Variants in PTPRN2 observed in about 807,000 individuals in gnomAD.
PTPRN2 encodes receptor-type tyrosine-protein phosphatase N2.
Under a neutral mutation model 118.8 loss-of-function variants are expected in PTPRN2, and 74 were observed. That is an observed-to-expected ratio of 0.62 (90% CI 0.52 to 0.76). The LOEUF (loss-of-function observed/expected upper bound fraction) is 0.76. Ranked by LOEUF, PTPRN2 falls within the 30% of genes least tolerant of loss-of-function variation. The probability of loss-of-function intolerance (pLI) is 0.00; values close to 1 mark genes in which losing one functional copy is unlikely to be tolerated. For synonymous variants in PTPRN2, 641 were observed against 608.0 expected, an observed-to-expected ratio of 1.05 and a Z score of -0.80; for missense variants, 1,481 against 1,394.4, an observed-to-expected ratio of 1.06 and a Z score of -0.99.
chr7:157,540,789 C>A lies in PTPRN2; in HGVS notation c.2977-4G>T, dbSNP rs751160312. On this transcript the variant is annotated splice_polypyrimidine_tract_variant and splice_region_variant and intron_variant, in intron 22 of 22. Transcript: ENST00000389418. Reference sequence around the variant, plus strand: ...TCAGCGCGAACTCAAACTGCTCCTGCAGGGCGAGAAACGAGAGAAGTGCCA... The same window carrying A: ...TCAGCGCGAACTCAAACTGCTCCTGAAGGGCGAGAAACGAGAGAAGTGCCA... The A allele has an allele frequency of 6.4e-7, 1 of 1,559,152 alleles. No homozygotes were observed. The highest frequency in any genetic ancestry group is 8.7e-7 in the Non-Finnish European group (1 of 1,150,842).
chr7:157,909,388 G>T (rs116118873), intron 11 of PTPRN2, among the ~76,000 whole-genome samples: 15 of 151,752 alleles, frequency 9.9e-5, no homozygotes, highest in South Asian at 2.1e-4. Context: ...CTATACACTG[G>T]GGGGGGGAGG....
At chr7:158,531,148 C>T (rs1035465901) in intron 1 of PTPRN2, among the ~76,000 whole-genome samples, 2 of 152,152 alleles carry the variant, frequency 1.3e-5, no homozygotes, top group Admixed American at 6.5e-5. Context: ...AATTTAATGT[C>T]CTAGGTTACA....
At chr7:158,321,905 A>G (rs1248421408) in intron 2 of PTPRN2, among the ~76,000 whole-genome samples, 1 of 152,178 alleles carries the variant, frequency 6.6e-6, no homozygotes, top group African/African-American at 2.4e-5. Context: ...GTGCGTGCCC[A>G]AGGATGCCGC....
chr7:158,370,269 C>T (rs1015100263), intron 2 of PTPRN2, among the ~76,000 whole-genome samples: 6 of 151,978 alleles, frequency 3.9e-5, no homozygotes, highest in African/African-American at 1.5e-4. Flanking sequence ...AAAACCCCAT[C>T]TCTATTAAAA....
chr7:158,482,735 C>G (rs1820733913), intron 2 of PTPRN2, among the ~76,000 whole-genome samples: 1 of 152,200 alleles, frequency 6.6e-6, no homozygotes, highest in Admixed American at 6.5e-5. Flanking sequence ...GATGCTAAAT[C>G]AGTGGTTTTT....
chr7:158,363,824 G>T (rs1217189870), intron 2 of PTPRN2, among the ~76,000 whole-genome samples: 1 of 152,216 alleles, frequency 6.6e-6, no homozygotes, highest in African/African-American at 2.4e-5. Context: ...TGGCAGGTCA[G>T]GGAGAGGAGG....
At chr7:157,654,080 A>C (rs933838013) in intron 14 of PTPRN2, among the ~76,000 whole-genome samples, 10 of 20,274 alleles carry the variant, frequency 4.9e-4, no homozygotes, top group Non-Finnish European at 8.2e-4. Flanking sequence ...CCCCACACCC[A>C]CCCCGACTCC....
intron 6 of PTPRN2, among the ~76,000 whole-genome samples, chr7:158,149,453 A>G (rs915876004): frequency 1.3e-5 from 2 of 152,192 alleles, no homozygotes; most frequent in South Asian, 2.1e-4. Flanking sequence ...AAAAAAAAAA[A>G]AAATCCTTAT....
At chr7:157,681,121 A>G (rs1352354000) in intron 13 of PTPRN2, among the ~76,000 whole-genome samples, 1 of 151,906 alleles carries the variant, frequency 6.6e-6, no homozygotes, top group Non-Finnish European at 1.5e-5. Flanking sequence ...CAAATTAGTC[A>G]TTTCTGCATG....
intron 22 of PTPRN2, among the ~76,000 whole-genome samples, chr7:157,543,773 C>T (rs1798124860): frequency 6.6e-6 from 1 of 152,214 alleles, no homozygotes; most frequent in South Asian, 2.1e-4. Context: ...GCAGCTTCCC[C>T]CAGCACCTCT....
rs1233775441 is a variant in PTPRN2, at chr7:157,845,043, G to A, written c.1788+53630C>T. ...TGGTGACACCTGCCTTATCTTCCAG[G>A]GTTTGCCCTTGGTGTAGAGATAGAC... is the stretch of plus-strand genomic sequence containing the variant. On this transcript the variant is annotated intron_variant, in intron 12 of 22. Transcript: ENST00000389418. The surrounding 1 kb of genome is among the most constrained non-coding windows in gnomAD (Gnocchi z 4.5). 6.6e-6 allele frequency among the ~76,000 whole-genome samples: 1 copy of A among 152,148 alleles called. No homozygotes were observed. The highest frequency in any genetic ancestry group is 1.9e-4 in the East Asian group (1 of 5,196).
chr7:158,199,305 T>C (rs2150728569), intron 4 of PTPRN2, among the ~76,000 whole-genome samples: 1 of 152,308 alleles, frequency 6.6e-6, no homozygotes, highest in South Asian at 2.1e-4. Context: ...AGGTGCGAGC[T>C]CTGTTCCTCA....
chr7:158,084,010 G>T (rs1310330589), intron 10 of PTPRN2, among the ~76,000 whole-genome samples: 3 of 152,256 alleles, frequency 2.0e-5, no homozygotes, highest in African/African-American at 7.2e-5. Flanking sequence ...TCACTGTTCT[G>T]TGGCCCTCCT....
At chr7:157,898,898 A>G (rs191306100) in intron 11 of PTPRN2, among the ~76,000 whole-genome samples, 161 bp from the exon 12 acceptor site, 2,007 of 152,270 alleles carry the variant, frequency 0.013, 17 homozygotes, top group Middle Eastern at 0.048. Flanking sequence ...TAGAACCTGC[A>G]CGAGGCCCCA....
chr7:157,712,762 A>ATT (rs1798713497), intron 12 of PTPRN2, among the ~76,000 whole-genome samples: 1 of 151,598 alleles, frequency 6.6e-6, no homozygotes, highest in South Asian at 2.1e-4. Flanking sequence ...AAAAAAAAAA[A>ATT]AAAAAAAAAA....
At chr7:158,336,553 A>G (rs201590958) in intron 2 of PTPRN2, among the ~76,000 whole-genome samples, 4,278 of 86,412 alleles carry the variant, frequency 0.05, 157 homozygotes, top group Middle Eastern at 0.078. Flanking sequence ...CGTCACTCAC[A>G]CCCACACTCA....
intron 11 of PTPRN2, among the ~76,000 whole-genome samples, chr7:157,992,853 C>G (rs12668644): frequency 0.37 from 55,582 of 152,184 alleles, 10,675 homozygotes; most frequent in East Asian, 0.67. Context: ...TCCTTCTGCT[C>G]AGGAAGCATA....
At chr7:158,157,005 C>T (rs1326296496) in intron 6 of PTPRN2, among the ~76,000 whole-genome samples, 1 of 151,354 alleles carries the variant, frequency 6.6e-6, no homozygotes, top group Admixed American at 6.6e-5. Context: ...GTGGAGAGCA[C>T]CCCTGTTCCA....
intron 11 of PTPRN2, among the ~76,000 whole-genome samples, chr7:157,928,238 C>A (rs1170372089): frequency 2.6e-5 from 4 of 152,188 alleles, no homozygotes; most frequent in Non-Finnish European, 4.4e-5. Flanking sequence ...AGAGCCCACA[C>A]TCAGCCATGC....
Sources: gnomAD v4.1 joint callset for allele counts (sites outside exome capture counted in the v4.1 genomes callset) on GRCh38, gnomAD v4.1.1 for gene constraint, Gnocchi (gnomAD v3.1) non-coding constraint, MANE v1.5 for transcripts, NCBI Gene and HGNC (gene_info 2026-07-23, HGNC 2026-07-21) for gene names.